The following PBRM1 variants were observed in gnomAD, a reference collection of about 807,000 sequenced individuals.
The protein encoded by PBRM1 is polybromo 1.
In PBRM1, 27 loss-of-function variants were observed where a neutral mutation model predicts 194.5. That is an observed-to-expected ratio of 0.14 (90% CI 0.10 to 0.19). PBRM1 has a LOEUF of 0.19. PBRM1 is among the 10% of genes least tolerant of loss of function. PBRM1 has a pLI of 1.00. For synonymous variants in PBRM1, 655 were observed against 693.2 expected (o/e 0.94, Z 0.87); for missense variants, 1,466 against 2,077.2 (o/e 0.71, Z 5.72).
At chr3:52,670,802 T>C (rs776178285) in intron 2 of PBRM1, among the ~76,000 whole-genome samples, 3 of 152,184 alleles carry the variant, frequency 2.0e-5, no homozygotes, top group Non-Finnish European at 4.4e-5. Flanking sequence ...GGCTGTAGTG[T>C]GCAAAGATGG....
intron 8 of PBRM1, among the ~76,000 whole-genome samples, chr3:52,644,447 C>T (rs538295644): frequency 6.6e-5 from 10 of 152,038 alleles, no homozygotes; most frequent in South Asian, 4.2e-4. Flanking sequence ...TGCAGTGGTG[C>T]GGTCTCAGCT....
At chr3:52,584,315 C>T (rs895682930) in intron 20 of PBRM1, among the ~76,000 whole-genome samples, 44 of 152,028 alleles carry the variant, frequency 2.9e-4, no homozygotes, top group African/African-American at 1.1e-3. Flanking sequence ...TTTCACTTTA[C>T]TTTCAAAAGT....
At chr3:52,674,777 A>G (rs1030847879) in intron 2 of PBRM1, among the ~76,000 whole-genome samples, 2 of 150,340 alleles carry the variant, frequency 1.3e-5, no homozygotes, top group Non-Finnish European at 3.0e-5. Context: ...TAAATAAAAA[A>G]TACGTTATAT....
At chr3:52,670,839 C>CT in intron 2 of PBRM1, among the ~76,000 whole-genome samples, 1 of 152,270 alleles carries the variant, frequency 6.6e-6, no homozygotes, top group South Asian at 2.1e-4. Flanking sequence ...GCATTCCAGC[C>CT]TATGTGACAT....
At chr3:52,636,871 A>AAG (rs2095843530) in intron 10 of PBRM1, among the ~76,000 whole-genome samples, 1 of 151,362 alleles carries the variant, frequency 6.6e-6, no homozygotes, top group Non-Finnish European at 1.5e-5. Flanking sequence ...AAAAAAAAAA[A>AAG]AGAATTTAAT....
chr3:52,636,128 C>T (rs1439132861), intron 10 of PBRM1, among the ~76,000 whole-genome samples: 1 of 151,964 alleles, frequency 6.6e-6, no homozygotes, highest in East Asian at 2.0e-4. Context: ...GCCTCGGCCT[C>T]CCAAAGTGCT....
At chr3:52,593,067 C>T (rs746986534) in intron 17 of PBRM1, among the ~76,000 whole-genome samples, 5 of 152,104 alleles carry the variant, frequency 3.3e-5, no homozygotes, top group Non-Finnish European at 4.4e-5. Context: ...TTCTAGCTAG[C>T]GGTCCATCTT....
chr3:52,666,021 G>A (rs888789561), intron 3 of PBRM1, among the ~76,000 whole-genome samples: 1 of 152,106 alleles, frequency 6.6e-6, no homozygotes, highest in Non-Finnish European at 1.5e-5. Context: ...ATTATCTATA[G>A]ATGTTACAAT....
upstream of PBRM1, chr3:52,681,784 C>T: frequency 1.1e-6 from 1 of 924,346 alleles, no homozygotes; most frequent in Non-Finnish European, 1.3e-6. Flanking sequence ...GAAGGAAGGG[C>T]TTTAGAAGTG....
intron 24 of PBRM1, among the ~76,000 whole-genome samples, chr3:52,562,839 C>A (rs1306366129): frequency 6.6e-6 from 1 of 152,140 alleles, no homozygotes; most frequent in South Asian, 2.1e-4. Flanking sequence ...CCATGCCTGG[C>A]CAAGTCTTGT....
Position 52,589,400 on chromosome 3 carries a change from A to G in PBRM1, c.2780-145T>C, listed in dbSNP as rs1576266495. ...CAACATGCGAAGGCAGGAATCAGCA[A>G]TAGTATGATCTTCACATTCCTAATA... On this transcript the variant is annotated intron_variant, in intron 17 of 29. Coordinates refer to ENST00000296302, the Ensembl canonical transcript of PBRM1. The G allele has an allele frequency of 4.2e-5, 21 of 496,320 alleles. No individual in the cohort carries two copies. The East Asian group carries it at 6.8e-4, about 16-fold the overall frequency. 30.7% of individuals were successfully genotyped at this position (496,320 alleles called of 1,614,324 possible). A position where few individuals can be genotyped will look rare whatever the true frequency, so the allele number is the denominator to read the frequency against.
chr3:52,636,837 C>T (rs1294389563), intron 10 of PBRM1, among the ~76,000 whole-genome samples: 1 of 130,930 alleles, frequency 7.6e-6, no homozygotes, highest in Non-Finnish European at 1.6e-5. Context: ...CCTGCCTGGG[C>T]GACAGAGTGA....
chr3:52,649,711 A>G (rs758383543), intron 6 of PBRM1, among the ~76,000 whole-genome samples: 4 of 152,228 alleles, frequency 2.6e-5, no homozygotes, highest in Non-Finnish European at 5.9e-5. Context: ...AAGTGAATTA[A>G]GTCTCTGAGC....
intron 24 of PBRM1, among the ~76,000 whole-genome samples, chr3:52,562,866 A>T (rs371805992): frequency 2.6e-5 from 4 of 152,168 alleles, no homozygotes; most frequent in African/African-American, 9.6e-5. Context: ...TCTGAATGAG[A>T]AAAAAATACC....
intron 13 of PBRM1, 71 bp from the exon 15 acceptor site, chr3:52,625,012 AC>A: frequency 1.0e-6 from 1 of 1,000,196 alleles, no homozygotes; most frequent in South Asian, 1.4e-5. Context: ...TCATGTACAA[AC>A]CATGTATGGT....
exon 11 of PBRM1, chr3:52,634,744 A>G: frequency 1.2e-6 from 2 of 1,613,900 alleles, no homozygotes; most frequent in Non-Finnish European, 8.5e-7. Context: ...TAAAGCTGAT[A>G]AAAAGGATTT....
At chr3:52,648,492 G>A (rs2096392473) in intron 6 of PBRM1, 50 bp from the exon 8 acceptor site, 2 of 956,700 alleles carry the variant, frequency 2.1e-6, no homozygotes, top group Non-Finnish European at 3.2e-6. Context: ...GAGTTCATCA[G>A]TACAACCTTT....
Position 52,564,420 on chromosome 3 carries a change from C to G in PBRM1, c.3692-187G>C, listed in dbSNP as rs533162272. 1.1e-4 allele frequency among the ~76,000 whole-genome samples: 16 copies of G among 152,190 alleles called. No individual in the cohort carries two copies. In the East Asian group the frequency reaches 2.9e-3, roughly 28 times the overall value. On this transcript the variant is annotated intron_variant, in intron 22 of 29. Coordinates refer to ENST00000296302, the Ensembl canonical transcript of PBRM1. ...CTTTGAGAGGCTGAAGTGGGCAGAT[C>G]TCTTGAGCTCAGGAGTTTGAGACCA... is the stretch of plus-strand genomic sequence containing the variant.
At chr3:52,580,921 A>G (rs1275094718) in intron 20 of PBRM1, among the ~76,000 whole-genome samples, 1 of 152,216 alleles carries the variant, frequency 6.6e-6, no homozygotes. Flanking sequence ...ACTAAAAAAG[A>G]AAAAGCAAAA....
Sources: allele counts gnomAD v4.1 joint callset (sites outside exome capture counted in the v4.1 genomes callset), GRCh38; gene constraint gnomAD v4.1.1; transcripts MANE v1.5; gene names NCBI Gene and HGNC (gene_info 2026-07-23, HGNC 2026-07-21).